Variants in CCDC82 observed in about 807,000 individuals in gnomAD.
CCDC82 encodes the protein coiled-coil domain containing 82.
Under a neutral mutation model 60.6 loss-of-function variants are expected in CCDC82, and 47 were observed. That is an observed-to-expected ratio of 0.77 (90% CI 0.61 to 0.99). The LOEUF (loss-of-function observed/expected upper bound fraction) is 0.99, where lower values mean the gene tolerates loss of function less well. Ranked by LOEUF, CCDC82 falls within the 50% of genes least tolerant of loss-of-function variation. The pLI, the probability that CCDC82 is intolerant of heterozygous loss-of-function variation, is 0.00. For synonymous variants in CCDC82, 212 were observed against 207.4 expected (o/e 1.02, Z -0.19); for missense variants, 588 against 633.0 (o/e 0.93, Z 0.76).
intron 9 of CCDC82, chr11:96,355,641 T>C (rs1213529877): frequency 6.6e-6 from 1 of 152,176 alleles, no homozygotes; most frequent in Non-Finnish European, 1.5e-5. Flanking sequence ...CTTATACTTT[T>C]AACCAGTTTA....
chr11:96,355,272 C>A lies in CCDC82; in HGVS notation c.1567-1558G>T, dbSNP rs372816042. The A allele has an allele frequency of 1.1e-3, 164 of 152,162 alleles. 1 individual carries two copies. Among genetic ancestry groups the A allele is most frequent in the African/African-American group, 3.9e-3 (162 of 41,508 alleles). 9.4% of individuals were successfully genotyped at this position (152,162 alleles called of 1,614,324 possible). A position where few individuals can be genotyped will look rare whatever the true frequency, so the allele number is the denominator to read the frequency against. ...ACAGGGTCTCACTATCTTGCTCAGG[C>A]TGGCCTTGAACTCCTGGGCTCAGGC... On this transcript the variant is annotated intron_variant, in intron 9 of 9. Transcript: ENST00000646818.
intron 4 of CCDC82, 55 bp from the exon 5 acceptor site, chr11:96,383,528 T>A: frequency 8.8e-7 from 1 of 1,135,458 alleles, no homozygotes; most frequent in Non-Finnish European, 1.2e-6. Flanking sequence ...ACGGTAAGCA[T>A]CGATATAAAA....
chr11:96,361,645 A>T (rs1864666481), intron 8 of CCDC82, among the ~76,000 whole-genome samples: 1 of 152,190 alleles, frequency 6.6e-6, no homozygotes, highest in Admixed American at 6.5e-5. Context: ...TTTTTAGTGT[A>T]TTGTTACAGC....
intron 5 of CCDC82, among the ~76,000 whole-genome samples, chr11:96,379,349 T>A (rs1391275493): frequency 6.6e-6 from 1 of 151,894 alleles, no homozygotes; most frequent in Non-Finnish European, 1.5e-5. Flanking sequence ...CTAGAATATG[T>A]GAATTTTTTT....
At chr11:96,388,725 A>C (rs1040893281) in intron 1 of CCDC82, 1 of 152,234 alleles carries the variant, frequency 6.6e-6, no homozygotes, top group Non-Finnish European at 1.5e-5. Context: ...GTGGTAGTTA[A>C]CACTTTACAG....
chr11:96,367,593 T>G (rs919468395), intron 7 of CCDC82, among the ~76,000 whole-genome samples: 1 of 152,188 alleles, frequency 6.6e-6, no homozygotes, highest in African/African-American at 2.4e-5. Flanking sequence ...CTGTAGTTAC[T>G]TCCTCCACTG....
chr11:96,364,203 A>C (rs892956048), intron 8 of CCDC82: 1 of 152,158 alleles, frequency 6.6e-6, no homozygotes, highest in East Asian at 1.9e-4. Context: ...ATCAGTTTTT[A>C]AACAATGGGG....
chr11:96,375,024 A>G (rs1379374693), intron 5 of CCDC82, among the ~76,000 whole-genome samples: 1 of 150,616 alleles, frequency 6.6e-6, no homozygotes, highest in Non-Finnish European at 1.5e-5. Flanking sequence ...ATTTGACTAG[A>G]CTGTTATCAA....
At chr11:96,358,392 C>T (rs1384958478) in intron 9 of CCDC82, 1 of 1,224,508 alleles carries the variant, frequency 8.2e-7, no homozygotes, top group African/African-American at 1.6e-5. Flanking sequence ...TCTTCAAAAC[C>T]CCCACTTTAC....
In CCDC82 at chr11:96,359,095, T is replaced by G; in HGVS notation, c.1464A>C (p.Glu488Asp). 6.2e-7 allele frequency: 1 copy of G among 1,605,916 alleles called. No homozygotes were observed. Among genetic ancestry groups the G allele is most frequent in the African/African-American group, 1.3e-5 (1 of 74,606 alleles). The change falls in exon 9 of 10, where the codon GAA (glutamate) becomes GAC (aspartate). Residue 488 changes from glutamate (E) to aspartate (D), a missense_variant. Coordinates refer to ENST00000646818, the MANE Select transcript of CCDC82 (RefSeq NM_024725.4). ...CTTCTGTCATTGCAATGGTGCAACA[T>G]TCCTGGTATAGTTTGAATTTAAAAT... ...LKHFKFKLYQ[E>D]CCTIAMTEEV...
intron 9 of CCDC82, chr11:96,358,129 A>G (rs1384718638): frequency 5.1e-6 from 5 of 985,940 alleles, no homozygotes; most frequent in Admixed American, 1.2e-4. Flanking sequence ...CTCTTTTACA[A>G]ATTTCCCTAT....
chr11:96,369,232 A>G lies in CCDC82; in HGVS notation c.1209+1781T>C, dbSNP rs1171583187. Among the ~76,000 whole-genome samples the G allele has an allele frequency of 3.3e-5, 5 of 152,220 alleles. No homozygotes were observed. In the South Asian group the frequency reaches 1.0e-3, roughly 32 times the overall value. On this transcript the variant is annotated intron_variant, in intron 7 of 9. Transcript: ENST00000646818. ...CTAAAACATTCTCCATGTCAGCAAT[A>G]AGGCTGTTTCAATCATTTATGTATT...
chr11:96,388,762 C>T (rs1225464081), intron 1 of CCDC82: 3 of 152,196 alleles, frequency 2.0e-5, no homozygotes, highest in African/African-American at 7.2e-5. Context: ...AACCCCAGGT[C>T]ATTATTTGAA....
chr11:96,366,386 T>C (rs1864949263), intron 7 of CCDC82, among the ~76,000 whole-genome samples: 3 of 152,256 alleles, frequency 2.0e-5, no homozygotes, highest in African/African-American at 7.2e-5. Flanking sequence ...GCTAATACTT[T>C]TTGGTATCTT....
chr11:96,367,694 G>A (rs1485631141), intron 7 of CCDC82, among the ~76,000 whole-genome samples: 1 of 151,974 alleles, frequency 6.6e-6, no homozygotes, highest in Non-Finnish European at 1.5e-5. Context: ...CTTCTCTCAT[G>A]AATCATAAAT....
At chr11:96,365,240 C>T in intron 7 of CCDC82, 90 bp from the exon 8 acceptor site, 1 of 834,592 alleles carries the variant, frequency 1.2e-6, no homozygotes, top group Non-Finnish European at 1.8e-6. Context: ...TTAGGGATTA[C>T]AATACAAAGA....
chr11:96,369,385 T>C (rs1463652817), intron 7 of CCDC82, among the ~76,000 whole-genome samples: 6 of 152,238 alleles, frequency 3.9e-5, no homozygotes, highest in African/African-American at 1.4e-4. Flanking sequence ...AGCTTAATCA[T>C]TTCTCACTTT....
chr11:96,372,200 C>T (rs574276709), intron 6 of CCDC82, among the ~76,000 whole-genome samples: 1 of 152,192 alleles, frequency 6.6e-6, no homozygotes, highest in African/African-American at 2.4e-5. Context: ...AAGTAATCCA[C>T]GTATTACTTG....
At chr11:96,369,532 GA>G (rs959298184) in intron 7 of CCDC82, among the ~76,000 whole-genome samples, 2 of 152,132 alleles carry the variant, frequency 1.3e-5, no homozygotes, top group Non-Finnish European at 2.9e-5. Context: ...AGAGAGATGG[GA>G]AAACAGCCAG....
Sources: allele counts gnomAD v4.1 joint callset (sites outside exome capture counted in the v4.1 genomes callset), GRCh38; gene constraint gnomAD v4.1.1; transcripts MANE v1.5; gene names NCBI Gene and HGNC (gene_info 2026-07-23, HGNC 2026-07-21).